PLCL1: variants seen among roughly 807,000 people sequenced by gnomAD.
The protein encoded by PLCL1 is phospholipase C like 1 (inactive).
PLCL1 carries 41 observed loss-of-function variants against 84.4 expected under a neutral mutation model. The ratio of observed to expected loss-of-function variants is 0.49; its 90% CI spans 0.38 to 0.63. The LOEUF (loss-of-function observed/expected upper bound fraction) is 0.63. PLCL1 is among the 30% of genes least tolerant of loss of function. PLCL1 has a pLI of 0.00. For missense variants in PLCL1, 1,206 were observed against 1,367.8 expected (o/e 0.88, Z 1.87); for synonymous variants, 490 against 488.3 (o/e 1.00, Z -0.05).
At position 197,900,427 on chromosome 2, in the gene PLCL1, G is replaced by C. The variant is rs113186402; in HGVS notation, c.240+95088G>C. Among the ~76,000 whole-genome samples, 52 of 152,278 alleles carry C rather than the reference G, an allele frequency of 3.4e-4. 3 individuals carry two copies. The highest frequency in any genetic ancestry group is 1.2e-3 in the African/African-American group (50 of 41,564). The stretch of plus-strand genomic sequence containing the variant: ...TGAGAAGAAATAAAGTGAATCTTGG[G>C]AAAATTAAGAAAAGAATAAGAAAAC... On this transcript the variant is annotated intron_variant, in intron 1 of 5. Coordinates refer to ENST00000428675, the MANE Select transcript of PLCL1 (RefSeq NM_006226.4).
chr2:197,854,537 A>G (rs1687296755), intron 1 of PLCL1, among the ~76,000 whole-genome samples: 1 of 152,226 alleles, frequency 6.6e-6, no homozygotes, highest in Non-Finnish European at 1.5e-5. Context: ...TTGCAAAGGT[A>G]TATAGTGCAA....
Position 197,870,095 on chromosome 2 carries a change from CT to C in PLCL1, c.240+64757del, listed in dbSNP as rs551179090. ...TTGTTTTGTGTCTCCGTGGAGTTAA[CT>C]GGTTTTAGCAGTTCTACTGAACTTT... On this transcript the variant is annotated intron_variant, in intron 1 of 5. Transcript: ENST00000428675. 6.8e-3 allele frequency among the ~76,000 whole-genome samples: 1,035 copies of C among 152,238 alleles called. 5 individuals are homozygous for C. The highest frequency in any genetic ancestry group is 0.015 in the South Asian group (73 of 4,824).
rs3056105 is a variant in PLCL1 at position 197,903,468 on chromosome 2, A to ATTTTTTTTTTTTT, written c.240+98150_240+98162dup. 2.7e-3 allele frequency among the ~76,000 whole-genome samples: 131 copies of ATTTTTTTTTTTTT among 47,796 alleles called. 14 individuals are homozygous for ATTTTTTTTTTTTT. The highest frequency in any genetic ancestry group is 3.4e-3 in the Non-Finnish European group (97 of 28,738). 31.4% of individuals were successfully genotyped at this position (47,796 alleles called of 152,430 possible). A position where few individuals can be genotyped will look rare whatever the true frequency, so the allele number is the denominator to read the frequency against. ...GTATCTTCCTTTTTACTCCATTTAA[A>ATTTTTTTTTTTTT]TTTTTTTTTTTTTTTTTTTTTTTTT... On this transcript the variant is annotated intron_variant, in intron 1 of 5. Coordinates refer to ENST00000428675, the MANE Select transcript of PLCL1 (RefSeq NM_006226.4).
At chr2:197,974,731 G>A (rs1689932798) in intron 1 of PLCL1, among the ~76,000 whole-genome samples, 1 of 152,226 alleles carries the variant, frequency 6.6e-6, no homozygotes, top group Non-Finnish European at 1.5e-5. Flanking sequence ...TAATGGTATT[G>A]TGTACTTTGG....
At chr2:197,971,869 A>C (rs964313446) in intron 1 of PLCL1, among the ~76,000 whole-genome samples, 3 of 152,238 alleles carry the variant, frequency 2.0e-5, no homozygotes, top group Non-Finnish European at 2.9e-5. Context: ...TAAGAACCCA[A>C]CCAAAAATTG....
intron 3 of PLCL1, among the ~76,000 whole-genome samples, chr2:198,099,785 T>C (rs1416486091): frequency 2.0e-5 from 3 of 152,194 alleles, no homozygotes; most frequent in Admixed American, 1.3e-4. Flanking sequence ...TGAGAAGAAC[T>C]TGAACTATAA....
intron 1 of PLCL1, among the ~76,000 whole-genome samples, chr2:197,937,526 T>C (rs1158729020): frequency 1.3e-5 from 2 of 152,212 alleles, no homozygotes; most frequent in African/African-American, 4.8e-5. Context: ...ATTTTGTTTC[T>C]TTGAAGCTAT....
At chr2:197,983,915 A>G (rs1015008224) in intron 1 of PLCL1, among the ~76,000 whole-genome samples, 12 of 152,220 alleles carry the variant, frequency 7.9e-5, no homozygotes, top group African/African-American at 2.9e-4. Context: ...CATGGAACCC[A>G]GCAGCCTCTA....
intron 1 of PLCL1, among the ~76,000 whole-genome samples, chr2:198,038,619 T>G (rs1691595219): frequency 6.6e-6 from 1 of 152,152 alleles, no homozygotes; most frequent in Non-Finnish European, 1.5e-5. Flanking sequence ...TTAAGAATTT[T>G]TAGCATCTGT....
intron 5 of PLCL1, among the ~76,000 whole-genome samples, chr2:198,146,474 A>G (rs145540888): frequency 1.9e-4 from 29 of 152,276 alleles, no homozygotes; most frequent in Non-Finnish European, 3.4e-4. Flanking sequence ...GTCTCAGACC[A>G]TGGTGATGGA....
intron 1 of PLCL1, among the ~76,000 whole-genome samples, chr2:197,982,028 T>C (rs1339786528): frequency 7.9e-5 from 12 of 151,922 alleles, no homozygotes. Context: ...AATATAATTA[T>C]ATTTTATTGC....
At chr2:198,082,757 G>A (rs538394369) in intron 1 of PLCL1, among the ~76,000 whole-genome samples, 1 of 152,292 alleles carries the variant, frequency 6.6e-6, no homozygotes, top group Non-Finnish European at 1.5e-5. Flanking sequence ...CATCTCATGA[G>A]TATTCAGGGG....
intron 1 of PLCL1, among the ~76,000 whole-genome samples, chr2:197,953,941 ACTGGTCTACAC>A (rs1689438779): frequency 6.6e-6 from 1 of 151,162 alleles, no homozygotes; most frequent in Admixed American, 6.6e-5. Context: ...ATGTATTTTT[ACTGGTCTACAC>A]CTTGGCAACA....
At chr2:197,833,682 A>T (rs909843716) in intron 1 of PLCL1, among the ~76,000 whole-genome samples, 4 of 152,236 alleles carry the variant, frequency 2.6e-5, no homozygotes, top group African/African-American at 9.6e-5. Flanking sequence ...AAACAAGTGG[A>T]AAAACATTCC....
chr2:198,101,384 C>CT lies in PLCL1; in HGVS notation c.2995+25dup. 5 of 1,281,154 alleles carry CT rather than the reference C, an allele frequency of 3.9e-6. No individual in the cohort carries two copies. In the South Asian group the frequency reaches 4.3e-5, roughly 11 times the overall value. 79.4% of individuals were successfully genotyped at this position (1,281,154 alleles called of 1,614,324 possible). A position where few individuals can be genotyped will look rare whatever the true frequency, so the allele number is the denominator to read the frequency against. ...AGGTAATTGTTTTTAATTTTTTTTTCTGTTTTTTTTTTCTATTTTGTTTGG... is the reference window on the plus strand; with the variant it reads ...AGGTAATTGTTTTTAATTTTTTTTTCTTGTTTTTTTTTTCTATTTTGTTTGG... On this transcript the variant is annotated intron_variant, in intron 4 of 5. Transcript: ENST00000428675.
chr2:198,105,987 C>G (rs1693465234), intron 5 of PLCL1, among the ~76,000 whole-genome samples: 1 of 151,776 alleles, frequency 6.6e-6, no homozygotes, highest in African/African-American at 2.4e-5. Flanking sequence ...AGAAAAATAG[C>G]TACAAACAAA....
At chr2:197,905,050 T>C (rs115178419) in intron 1 of PLCL1, among the ~76,000 whole-genome samples, 2,000 of 152,300 alleles carry the variant, frequency 0.013, 41 homozygotes, top group African/African-American at 0.045. Flanking sequence ...CTTGCACAAA[T>C]GCTTCATTTT....
chr2:198,090,311 C>T (rs1692990362), intron 3 of PLCL1, among the ~76,000 whole-genome samples: 1 of 151,672 alleles, frequency 6.6e-6, no homozygotes, highest in African/African-American at 2.4e-5. Context: ...ATGAATATGC[C>T]CCTAAGTTGC....
chr2:198,092,912 G>C (rs556943629), intron 3 of PLCL1, among the ~76,000 whole-genome samples: 1 of 152,298 alleles, frequency 6.6e-6, no homozygotes, highest in South Asian at 2.1e-4. Context: ...TGTTCACTGA[G>C]TAAAAACAAT....
Sources: allele counts gnomAD v4.1 joint callset (sites outside exome capture counted in the v4.1 genomes callset), GRCh38; gene constraint gnomAD v4.1.1; transcripts MANE v1.5; gene names NCBI Gene and HGNC (gene_info 2026-07-23, HGNC 2026-07-21).